Variants in GRIA4 observed in about 807,000 individuals in gnomAD.
GRIA4 encodes glutamate ionotropic receptor AMPA type subunit 4.
In GRIA4, 34 loss-of-function variants were observed where a neutral mutation model predicts 104.0. The ratio of observed to expected loss-of-function variants is 0.33; its 90% CI spans 0.25 to 0.44. GRIA4 has a LOEUF of 0.44. Among genes scored for constraint, GRIA4 ranks in the 20% least tolerant of loss-of-function variants. The pLI is 1.00. For missense variants in GRIA4, 750 were observed against 1,096.5 expected, an observed-to-expected ratio of 0.68 and a Z score of 4.46; for synonymous variants, 386 against 381.9, an observed-to-expected ratio of 1.01 and a Z score of -0.13.
At chr11:105,807,170 TAA>T (rs1171737853) in intron 4 of GRIA4, among the ~76,000 whole-genome samples, 2 of 151,830 alleles carry the variant, frequency 1.3e-5, no homozygotes, top group Non-Finnish European at 2.9e-5. Context: ...ACACTGGGAA[TAA>T]AGAGTAGCCC....
intron 3 of GRIA4, among the ~76,000 whole-genome samples, chr11:105,634,865 G>T (rs1301222356): frequency 6.6e-6 from 1 of 152,146 alleles, no homozygotes. Flanking sequence ...AAAAGCTTTA[G>T]AAAATCCATT....
chr11:105,709,111 G>A (rs982063755), intron 3 of GRIA4, among the ~76,000 whole-genome samples: 5 of 151,976 alleles, frequency 3.3e-5, no homozygotes, highest in African/African-American at 9.7e-5. Context: ...CAGAAAATAA[G>A]GAAATGCTTA....
chr11:105,885,366 T>G (rs1946217679), intron 5 of GRIA4, among the ~76,000 whole-genome samples: 1 of 152,218 alleles, frequency 6.6e-6, no homozygotes, highest in Admixed American at 6.5e-5. Context: ...CATGGTAAGA[T>G]TCTCAAGGAA....
chr11:105,803,779 C>T (rs1049766192), intron 4 of GRIA4, among the ~76,000 whole-genome samples: 14 of 147,788 alleles, frequency 9.5e-5, no homozygotes, highest in South Asian at 4.3e-4. Context: ...TGGCCGAGTT[C>T]TCAAAGTAAG....
At chr11:105,906,656 AATACGTGGTAAGCTGGAGCCTACCTG>A (rs2136152148) in intron 9 of GRIA4, among the ~76,000 whole-genome samples, 1 of 152,260 alleles carries the variant, frequency 6.6e-6, no homozygotes, top group East Asian at 1.9e-4. Flanking sequence ...GCTGCCAGCT[AATACGTGGTAAGCTGGAGCCTACCTG>A]ATCCAGATCA....
At chr11:105,705,573 C>A (rs1026078009) in intron 3 of GRIA4, among the ~76,000 whole-genome samples, 1 of 152,022 alleles carries the variant, frequency 6.6e-6, no homozygotes, top group Non-Finnish European at 1.5e-5. Flanking sequence ...AGGATCAATA[C>A]CCCAATGGAA....
At chr11:105,833,306 C>A (rs965882403) in intron 4 of GRIA4, among the ~76,000 whole-genome samples, 1 of 151,934 alleles carries the variant, frequency 6.6e-6, no homozygotes, top group Non-Finnish European at 1.5e-5. Flanking sequence ...CTCTCTCATA[C>A]GTACACATGT....
intron 4 of GRIA4, among the ~76,000 whole-genome samples, chr11:105,791,255 C>G (rs1251087549): frequency 6.6e-6 from 1 of 152,006 alleles, no homozygotes; most frequent in Non-Finnish European, 1.5e-5. Context: ...AAGACAATCA[C>G]CAAAGTAAAG....
chr11:105,697,752 C>A (rs1419280864), intron 3 of GRIA4, among the ~76,000 whole-genome samples: 2 of 152,196 alleles, frequency 1.3e-5, no homozygotes, highest in African/African-American at 4.8e-5. Context: ...GAAATGAGTG[C>A]AAATTGTGAA....
intron 4 of GRIA4, among the ~76,000 whole-genome samples, chr11:105,820,956 T>C (rs996368290): frequency 2.0e-5 from 3 of 152,110 alleles, no homozygotes; most frequent in African/African-American, 7.2e-5. Flanking sequence ...ACTTCCCTGA[T>C]GGTATATGAG....
intron 3 of GRIA4, among the ~76,000 whole-genome samples, chr11:105,729,915 C>T (rs1938479086): frequency 6.6e-6 from 1 of 152,148 alleles, no homozygotes; most frequent in South Asian, 2.1e-4. Flanking sequence ...AAACCCACAG[C>T]CAATATCATA....
intron 3 of GRIA4, among the ~76,000 whole-genome samples, chr11:105,636,891 C>A (rs913189654): frequency 6.6e-6 from 1 of 152,140 alleles, no homozygotes; most frequent in African/African-American, 2.4e-5. Context: ...TCAAACCATC[C>A]CATTCCCCTC....
intron 3 of GRIA4, among the ~76,000 whole-genome samples, chr11:105,654,861 G>A (rs1951795859): frequency 6.6e-6 from 1 of 152,022 alleles, no homozygotes; most frequent in South Asian, 2.1e-4. Flanking sequence ...TGGTCTTCAT[G>A]TTTTGTCCTC....
intron 4 of GRIA4, among the ~76,000 whole-genome samples, chr11:105,847,285 G>A (rs1944634310): frequency 1.3e-5 from 2 of 152,184 alleles, no homozygotes; most frequent in Non-Finnish European, 2.9e-5. Context: ...CTGCTGTCCT[G>A]ACAGGAGGTG....
chr11:105,925,577 C>A (rs1947683210), intron 12 of GRIA4, among the ~76,000 whole-genome samples: 1 of 151,996 alleles, frequency 6.6e-6, no homozygotes, highest in African/African-American at 2.4e-5. Flanking sequence ...AAAAAAGAGG[C>A]ATTTTGGGCA....
At chr11:105,912,595 G>A in intron 10 of GRIA4, 2 of 415,288 alleles carry the variant, frequency 4.8e-6, no homozygotes, top group Non-Finnish European at 6.4e-6. Context: ...TTGTTTGACA[G>A]TAAAGCCATC....
At chr11:105,798,211 A>G (rs1942571135) in intron 4 of GRIA4, among the ~76,000 whole-genome samples, 1 of 152,138 alleles carries the variant, frequency 6.6e-6, no homozygotes, top group African/African-American at 2.4e-5. Flanking sequence ...TAACAAAGAA[A>G]CATAAGTAAA....
At chr11:105,752,894 A>AT in intron 3 of GRIA4, 87 bp from the exon 4 acceptor site, 5 of 1,269,720 alleles carry the variant, frequency 3.9e-6, no homozygotes, top group South Asian at 2.6e-5. Context: ...AGTGATTTTT[A>AT]TTTTTTTAAT....
intron 14 of GRIA4, 77 bp from the exon 15 acceptor site, chr11:105,971,837 T>G (rs1858711356): frequency 1.1e-6 from 1 of 920,214 alleles, no homozygotes; most frequent in African/African-American, 1.7e-5. Flanking sequence ...CACTTTGCCA[T>G]GCGATTCTAA....
Sources: allele counts gnomAD v4.1 joint callset (sites outside exome capture counted in the v4.1 genomes callset), GRCh38; gene constraint gnomAD v4.1.1; transcripts MANE v1.5; gene names NCBI Gene and HGNC (gene_info 2026-07-23, HGNC 2026-07-21).